MGAT4A: variants seen among roughly 807,000 people sequenced by gnomAD.
The protein encoded by MGAT4A is alpha-1,3-mannosyl-glycoprotein 4-beta-N-acetylglucosaminyltransferase A.
Under a neutral mutation model 74.1 loss-of-function variants are expected in MGAT4A, and 33 were observed. The ratio of observed to expected loss-of-function variants is 0.45; its 90% confidence interval spans 0.34 to 0.60. MGAT4A has a LOEUF of 0.60. Among genes scored for constraint, MGAT4A ranks in the 20% least tolerant of loss-of-function variants. The pLI, the probability that MGAT4A is intolerant of heterozygous loss-of-function variation, is 0.02. For synonymous variants in MGAT4A, 198 were observed against 210.4 expected, an observed-to-expected ratio of 0.94 and a Z score of 0.51; for missense variants, 479 against 628.3, an observed-to-expected ratio of 0.76 and a Z score of 2.54.
At chr2:98,625,676 T>C (rs1701134193) in intron 15 of MGAT4A, 47 bp downstream of exon 15, 3 of 1,568,060 alleles carry the variant, frequency 1.9e-6, no homozygotes, top group South Asian at 1.1e-5. Context: ...AAAAACATAA[T>C]AAAAATGTAG....
chr2:98,710,090 A>G (rs1702495580), intron 2 of MGAT4A, among the ~76,000 whole-genome samples: 1 of 152,230 alleles, frequency 6.6e-6, no homozygotes, highest in Non-Finnish European at 1.5e-5. Flanking sequence ...ACTTTTGTCC[A>G]TCACTAACCC....
At chr2:98,662,332 A>G (rs552212286) in intron 5 of MGAT4A, among the ~76,000 whole-genome samples, 1 of 152,238 alleles carries the variant, frequency 6.6e-6, no homozygotes, top group Non-Finnish European at 1.5e-5. Context: ...ATATTTATGT[A>G]GAGGAGTAAC....
intron 4 of MGAT4A, among the ~76,000 whole-genome samples, chr2:98,672,634 A>G (rs1701926689): frequency 6.6e-6 from 1 of 152,170 alleles, no homozygotes; most frequent in African/African-American, 2.4e-5. Flanking sequence ...CTCCTTCTGA[A>G]ATGACTACCA....
At chr2:98,649,805 C>A (rs1023288782) in intron 8 of MGAT4A, among the ~76,000 whole-genome samples, 1 of 152,108 alleles carries the variant, frequency 6.6e-6, no homozygotes, top group Non-Finnish European at 1.5e-5. Flanking sequence ...ACTACAAAAC[C>A]AAACTGCAAA....
intron 2 of MGAT4A, among the ~76,000 whole-genome samples, chr2:98,706,435 T>C (rs1262668451): frequency 6.6e-6 from 1 of 152,094 alleles, no homozygotes; most frequent in Non-Finnish European, 1.5e-5. Context: ...ATTCAAGTGA[T>C]TCTGCTACCT....
At chr2:98,689,632 C>T (rs530833438) in intron 2 of MGAT4A, among the ~76,000 whole-genome samples, 5 of 152,150 alleles carry the variant, frequency 3.3e-5, no homozygotes, top group Non-Finnish European at 5.9e-5. Flanking sequence ...AGACTAGCCT[C>T]GGCACCATGG....
At position 98,655,668 on chromosome 2, in the gene MGAT4A, C is replaced by T. The variant is rs191041146; in HGVS notation, c.699-148G>A. 4,584 of 527,982 alleles carry T rather than the reference C, an allele frequency of 8.7e-3. 39 individuals are homozygous for T. The highest frequency in any genetic ancestry group is 0.011 in the Non-Finnish European group (3,203 of 302,604). The allele number at this position is 527,982 out of a possible 1,614,324, so 32.7% of individuals were successfully genotyped here. ...CACATACACACACACTCACTTAGGA[C>T]GAAGAGTCAAAGAAAATTCACTTTC... On this transcript the variant is annotated intron_variant, in intron 7 of 15. Transcript: ENST00000393487.
intron 3 of MGAT4A, among the ~76,000 whole-genome samples, chr2:98,676,225 G>C (rs909555768): frequency 2.6e-5 from 4 of 152,106 alleles, no homozygotes; most frequent in African/African-American, 4.8e-5. Context: ...GCAAATGACT[G>C]TCATATGTAA....
rs1701045090 is a variant in MGAT4A at position 98,620,431 on chromosome 2, A to C, written c.*5135T>G. ...CATTTCTCATCTTCTGACAGTCTTA[A>C]CCTCTCATTTTCTCTCTTTTAGTTC... On this transcript the variant is annotated 3_prime_UTR_variant, in exon 16 of 16. Coordinates refer to ENST00000393487, the MANE Select transcript of MGAT4A (RefSeq NM_012214.3). 1 of 152,194 alleles carries C rather than the reference A, an allele frequency of 6.6e-6. No individual in the cohort carries two copies. Among genetic ancestry groups the C allele is most frequent in the Admixed American group, 6.5e-5 (1 of 15,278 alleles). 9.4% of individuals were successfully genotyped at this position (152,194 alleles called of 1,614,324 possible).
intron 2 of MGAT4A, among the ~76,000 whole-genome samples, chr2:98,696,924 A>G (rs936692560): frequency 6.6e-6 from 1 of 152,200 alleles, no homozygotes; most frequent in Non-Finnish European, 1.5e-5. Context: ...TTGTAGTAAC[A>G]ATGCCTATAT....
rs754207060 is a variant in MGAT4A, at chr2:98,675,109, T to A, written c.329A>T (p.Tyr110Phe). 6.2e-7 allele frequency: 1 copy of A among 1,613,068 alleles called. No individual in the cohort carries two copies. The highest frequency in any genetic ancestry group is 1.3e-5 in the African/African-American group (1 of 75,042). ...ATTTTTCAATAAATGAGGCAAATGA[T>A]AATAAATACTTGGCACTTGAAGAGA... ...KKSLQVPSIY[Y>F]HLPHLLKNEG... The change falls in exon 4 of 16, where the codon TAT becomes TTT. Residue 110 changes from tyrosine (Y) to phenylalanine (F), a missense_variant. Transcript: ENST00000393487.
chr2:98,718,021 G>C (rs933799674), intron 2 of MGAT4A, among the ~76,000 whole-genome samples: 1 of 152,180 alleles, frequency 6.6e-6, no homozygotes, highest in Non-Finnish European at 1.5e-5. Context: ...TTACAAATAA[G>C]AATCATAGTT....
chr2:98,710,074 A>C (rs1301977883), intron 2 of MGAT4A, among the ~76,000 whole-genome samples: 2 of 152,220 alleles, frequency 1.3e-5, no homozygotes, highest in African/African-American at 4.8e-5. Context: ...CAAAAACAAC[A>C]GGAACACTTT....
chr2:98,645,422 T>C lies in MGAT4A; in HGVS notation c.889+6A>G, dbSNP rs750534850. The stretch of plus-strand genomic sequence containing the variant: ...GAAAAGTAGGTAAGTGTGACACTTT[T>C]CTTACCAATGAAGCCCAGCTGGGAA... On this transcript the variant is annotated splice_donor_region_variant and intron_variant, in intron 9 of 15. Coordinates refer to ENST00000393487, the MANE Select transcript of MGAT4A (RefSeq NM_012214.3). The C allele has an allele frequency of 6.5e-7, 1 of 1,549,098 alleles. No homozygotes were observed. The highest frequency in any genetic ancestry group is 1.4e-5 in the African/African-American group (1 of 71,288).
chr2:98,675,921 T>TC (rs1447569223), intron 3 of MGAT4A, among the ~76,000 whole-genome samples: 1 of 152,156 alleles, frequency 6.6e-6, no homozygotes, highest in Non-Finnish European at 1.5e-5. Flanking sequence ...TCTGAAAACT[T>TC]CAAGTAAAAT....
chr2:98,699,660 T>C (rs527926473), intron 2 of MGAT4A, among the ~76,000 whole-genome samples: 5 of 152,342 alleles, frequency 3.3e-5, no homozygotes, highest in Admixed American at 2.0e-4. Flanking sequence ...AAGCTAATTA[T>C]GGTAATTGTA....
intron 8 of MGAT4A, among the ~76,000 whole-genome samples, chr2:98,647,570 C>G (rs1204617156): frequency 6.6e-6 from 1 of 152,190 alleles, no homozygotes; most frequent in African/African-American, 2.4e-5. Flanking sequence ...CCACCCGCCT[C>G]GGCCTCTCAA....
chr2:98,699,010 A>G (rs1702314122), intron 2 of MGAT4A, among the ~76,000 whole-genome samples: 1 of 152,192 alleles, frequency 6.6e-6, no homozygotes, highest in African/African-American at 2.4e-5. Context: ...TCCTAAGACT[A>G]TCCCCAGGTT....
intron 2 of MGAT4A, among the ~76,000 whole-genome samples, chr2:98,685,161 C>G (rs1702111518): frequency 6.6e-6 from 1 of 151,652 alleles, no homozygotes; most frequent in African/African-American, 2.4e-5. Context: ...TCCCTTGAGC[C>G]CAGGGTTTGA....
Sources: allele counts gnomAD v4.1 joint callset (sites outside exome capture counted in the v4.1 genomes callset), GRCh38; gene constraint gnomAD v4.1.1; transcripts MANE v1.5; gene names NCBI Gene and HGNC (gene_info 2026-07-23, HGNC 2026-07-21).